The following MUC4 variants were observed in gnomAD, a reference collection of about 807,000 sequenced individuals.
MUC4 encodes mucin-4.
In MUC4, 202 loss-of-function variants were observed where a neutral mutation model predicts 257.9. The ratio of observed to expected loss-of-function variants is 0.78; its 90% CI spans 0.70 to 0.88. The LOEUF (loss-of-function observed/expected upper bound fraction) is 0.88, where lower values mean the gene tolerates loss of function less well. Ranked by LOEUF, MUC4 falls within the 40% of genes least tolerant of loss-of-function variation. MUC4 has a pLI of 0.00. For missense variants in MUC4, 5,976 were observed against 6,513.7 expected (o/e 0.92, Z 2.84); for synonymous variants, 2,351 against 2,757.1 (o/e 0.85, Z 4.62).
intron 17 of MUC4, among the ~76,000 whole-genome samples, chr3:195,758,832 A>G (rs1718202637): frequency 1.3e-5 from 2 of 151,530 alleles, no homozygotes; most frequent in Non-Finnish European, 2.9e-5. Flanking sequence ...CGGCCTCCCA[A>G]AGCGCTGGGA....
intron 1 of MUC4, among the ~76,000 whole-genome samples, chr3:195,797,363 G>A (rs73205742): frequency 0.12 from 18,191 of 152,142 alleles, 1,319 homozygotes; most frequent in African/African-American, 0.19. Flanking sequence ...CTTTCTTAAT[G>A]TAAATCACCA....
intron 19 of MUC4, 96 bp from the exon 20 acceptor site, chr3:195,753,326 C>A: frequency 7.7e-7 from 1 of 1,303,692 alleles, no homozygotes; most frequent in East Asian, 2.4e-5. Flanking sequence ...TTGCTTTCCC[C>A]CAGTGTTCCA....
rs763671915 is a variant in MUC4, at chr3:195,782,809, C to A, written c.8771G>T (p.Gly2924Val). 5.7e-5 allele frequency: 87 copies of A among 1,519,724 alleles called. No homozygotes were observed. In the East Asian group the frequency reaches 7.3e-4, roughly 13 times the overall value. 94.1% of individuals were successfully genotyped at this position (1,519,724 alleles called of 1,614,324 possible). A position where few individuals can be genotyped will look rare whatever the true frequency, so the allele number is the denominator to read the frequency against. ...PVTDTSSAST[G>V]QATPLPVTSL... ...GGTGACAGGAAGAGGGGTGGCCTGACCTGTGGATGCTGAGGAAGTGTCGGT... is the reference window on the plus strand; with the variant it reads ...GGTGACAGGAAGAGGGGTGGCCTGAACTGTGGATGCTGAGGAAGTGTCGGT... The change falls in exon 2 of 25, where the codon GGT (glycine) becomes GTT (valine). Residue 2924 changes from glycine (G) to valine (V), a missense_variant. Coordinates refer to ENST00000463781, the MANE Select transcript of MUC4 (RefSeq NM_018406.7).
intron 5 of MUC4, chr3:195,770,962 G>C: frequency 2.3e-6 from 1 of 427,340 alleles, no homozygotes; most frequent in African/African-American, 2.0e-5. Context: ...GCCGGGTTGG[G>C]GTATTCCTGG....
In MUC4 at chr3:195,795,976, G is replaced by A. The variant is rs183370936; in HGVS notation, c.83-4479C>T. On this transcript the variant is annotated intron_variant, in intron 1 of 24. Coordinates refer to ENST00000463781, the MANE Select transcript of MUC4 (RefSeq NM_018406.7). Reference sequence around the variant, plus strand: ...TGCTCTGATGAATTTATACCAAAAAGTATGAAAACTTAGATAAATTGGATA... The same window carrying A: ...TGCTCTGATGAATTTATACCAAAAAATATGAAAACTTAGATAAATTGGATA... Among the ~76,000 whole-genome samples, 331 of 151,536 alleles carry A rather than the reference G, an allele frequency of 2.2e-3. 7 individuals are homozygous for A. The highest frequency in any genetic ancestry group is 7.8e-3 in the African/African-American group (322 of 41,300).
Position 195,789,426 on chromosome 3 carries a change from G to A in MUC4, c.2154C>T (p.Ser718=), listed in dbSNP as rs1211901464. 6.2e-7 allele frequency: 1 copy of A among 1,613,868 alleles called. No homozygotes were observed. Among genetic ancestry groups the A allele is most frequent in the Admixed American group, 1.7e-5 (1 of 59,996 alleles). The change falls in exon 2 of 25, where the codon AGC becomes AGT. Residue 718 remains serine (S), a synonymous_variant. Coordinates refer to ENST00000463781, the MANE Select transcript of MUC4 (RefSeq NM_018406.7). ...APTTALQAAP[S]SHDATLGPSG... is the part of the protein sequence containing the mutation. ...AGGGCCCCAGGGTGGCATCATGGCT[G>A]CTGGGTGCTGCCTGCAGTGCTGTGG... is the stretch of plus-strand genomic sequence containing the variant.
rs190628256 is a variant in MUC4, at chr3:195,763,370, C to T, written c.14253+63G>A. The T allele has an allele frequency of 2.5e-4, 342 of 1,365,900 alleles. 2 individuals are homozygous for T. The East Asian group carries it at 6.6e-3, about 26-fold the overall frequency. 84.6% of individuals were successfully genotyped at this position (1,365,900 alleles called of 1,614,324 possible). On this transcript the variant is annotated intron_variant, in intron 12 of 24. Transcript: ENST00000463781. ...TCGCTCTCTTCCTTCTCCTCGGCCT[C>T]AGTATGTGGCTGAAGGTCCCTGTGG...
At position 195,751,042 on chromosome 3, in the gene MUC4, G is replaced by T. The variant is rs372427577; in HGVS notation, c.15718C>A (p.Pro5240Thr). The T allele has an allele frequency of 3.1e-6, 5 of 1,613,842 alleles. No individual in the cohort carries two copies. Among genetic ancestry groups the T allele is most frequent in the South Asian group, 2.2e-5 (2 of 91,064 alleles). The change falls in exon 23 of 25, where the codon CCT becomes ACT. Residue 5240 changes from proline (P) to threonine (T), a missense_variant. Around this residue, in one of 44 missense-constraint regions of MUC4, gnomAD observed 310 missense variants for 242.1 expected, o/e 1.28. Coordinates refer to ENST00000463781, the MANE Select transcript of MUC4 (RefSeq NM_018406.7). ...AGGAAGTCAATGACCGGGCCCCGAG[G>T]GCGGTACTGGAACTCCGAGATGACC... is the stretch of plus-strand genomic sequence containing the variant. Reference protein sequence around the residue: ...WMVISEFQYRPRGPVIDFLNN... With the variant: ...WMVISEFQYRTRGPVIDFLNN...
In MUC4 at chr3:195,781,296, G is replaced by C; in HGVS notation, c.10284C>G (p.Thr3428=). ...STGHATPLPV[T]STSSASTGHA... ...GACCGGTGGATGCTGAGGAAGTGCT[G>C]GTGACAGGAAGAGGGGTGGCGTGAC... Residue 3428 remains threonine, a synonymous_variant, in exon 2 of 25, where the codon ACC becomes ACG. Transcript: ENST00000463781. 1 of 1,428,510 alleles carries C rather than the reference G, an allele frequency of 7.0e-7. No individual in the cohort carries two copies. Among genetic ancestry groups the C allele is most frequent in the Non-Finnish European group, 9.4e-7 (1 of 1,061,762 alleles). 88.5% of individuals were successfully genotyped at this position (1,428,510 alleles called of 1,614,324 possible). A position where few individuals can be genotyped will look rare whatever the true frequency, so the allele number is the denominator to read the frequency against.
chr3:195,748,050 C>T (rs565536362), intron 24 of MUC4, among the ~76,000 whole-genome samples: 453 of 150,408 alleles, frequency 3.0e-3, no homozygotes, highest in African/African-American at 0.011. Context: ...CCTCCTTCGG[C>T]GGGATCTGGA....
chr3:195,791,092 G>A lies in MUC4; in HGVS notation c.488C>T (p.Thr163Ile). Residue 163 changes from threonine (T) to isoleucine (I), a missense_variant, in exon 2 of 25, where the codon ACC (threonine) becomes ATC (isoleucine). This residue lies in a region of MUC4 where 1,583 missense variants were observed against 1,257.4 expected (regional missense o/e 1.26). Coordinates refer to ENST00000463781, the MANE Select transcript of MUC4 (RefSeq NM_018406.7). ...ETSTAGTESS[T>I]PVTSAVSITA... ...TATTGAGACTGCTGAGGTCACTGGG[G>A]TAGAACTTTCAGTTCCTGCTGTTGA... is the stretch of plus-strand genomic sequence containing the variant. 1 of 1,613,498 alleles carries A rather than the reference G, an allele frequency of 6.2e-7. No homozygotes were observed. The highest frequency in any genetic ancestry group is 1.3e-5 in the African/African-American group (1 of 74,836).
In MUC4 at chr3:195,790,226, G is replaced by A. The variant is rs201058947; in HGVS notation, c.1354C>T (p.His452Tyr). The change falls in exon 2 of 25, where the codon CAC becomes TAC. Residue 452 changes from histidine (H) to tyrosine (Y), a missense_variant. Physicochemically the swap from His to Tyr is moderately conservative, Grantham distance 83. Transcript: ENST00000463781. ...SLPPKISTAF[H>Y]TQQSEGAETT... ...TCTGCACCTTCACTCTGCTGGGTGTGGAAAGCTGTGGATATTTTTGGAGGT... is the reference window on the plus strand; with the variant it reads ...TCTGCACCTTCACTCTGCTGGGTGTAGAAAGCTGTGGATATTTTTGGAGGT... 617 of 1,614,064 alleles carry A rather than the reference G, an allele frequency of 3.8e-4. 1 individual carries two copies. The highest frequency in any genetic ancestry group is 1.2e-3 in the Admixed American group (73 of 60,026).
Position 195,788,829 on chromosome 3 carries a change from T to C in MUC4, c.2751A>G (p.Arg917=). The C allele has an allele frequency of 6.2e-7, 1 of 1,613,876 alleles. No individual in the cohort carries two copies. The highest frequency in any genetic ancestry group is 8.5e-7 in the Non-Finnish European group (1 of 1,179,836). ...ACGCCAGGCTGATAGTGTCAGACCC[T>C]CTGCTGGTTCTTGTCCTCTGAGTCT... ...MAQTQRTRTS[R]GSDTISLASQ... is the part of the protein sequence containing the mutation. Residue 917 remains arginine, a synonymous_variant, in exon 2 of 25, where the codon AGA becomes AGG. Coordinates refer to ENST00000463781, the MANE Select transcript of MUC4 (RefSeq NM_018406.7).
intron 1 of MUC4, among the ~76,000 whole-genome samples, chr3:195,804,936 C>G (rs1455776907): frequency 4.6e-5 from 7 of 152,242 alleles, no homozygotes; most frequent in Non-Finnish European, 1.0e-4. Flanking sequence ...ATCTCCAGCG[C>G]CTGAAACGAG....
chr3:195,761,268 G>C lies in MUC4; in HGVS notation c.14615-151C>G. 3.9e-6 allele frequency: 3 copies of C among 770,532 alleles called. No homozygotes were observed. In the East Asian group the frequency reaches 7.9e-5, roughly 20 times the overall value. 47.7% of individuals were successfully genotyped at this position (770,532 alleles called of 1,614,324 possible). On this transcript the variant is annotated intron_variant, in intron 15 of 24. Coordinates refer to ENST00000463781, the MANE Select transcript of MUC4 (RefSeq NM_018406.7). ...CCAGCTTCTGAGTCTAGAAACACCT[G>C]CTGCAGTGAGAGAGGACACTCCACG...
Position 195,790,003 on chromosome 3 carries a change from G to A in MUC4, c.1577C>T (p.Ala526Val), listed in dbSNP as rs982430552. 6.2e-7 allele frequency: 1 copy of A among 1,613,888 alleles called. No homozygotes were observed. The highest frequency in any genetic ancestry group is 1.3e-5 in the African/African-American group (1 of 74,930). ...LVTGNPSTGT[A>V]GTIPRVPSKV... ...AGAGGGGACCCTTGGAATAGTGCCA[G>A]CTGTCCCTGTAGATGGATTTCCTGT... Residue 526 changes from alanine (A) to valine (V), a missense_variant, in exon 2 of 25, where the codon GCT (alanine) becomes GTT (valine). By Grantham distance (64) the Ala-to-Val change is moderately conservative. Coordinates refer to ENST00000463781, the MANE Select transcript of MUC4 (RefSeq NM_018406.7).
chr3:195,770,883 C>G, intron 5 of MUC4: 1 of 457,832 alleles, frequency 2.2e-6, no homozygotes, highest in Non-Finnish European at 4.4e-6. Context: ...AGACCCCCTA[C>G]AGCCTGATTT....
chr3:195,764,254 GGGCGGTGTTGGTGGAGAGCTTGGCAGGGC>G, intron 10 of MUC4, 90 bp from the exon 11 acceptor site: 2 of 1,074,912 alleles, frequency 1.9e-6, no homozygotes, highest in Non-Finnish European at 2.3e-6. Context: ...TGGCAGGGCA[GGGCGGTGTTGGTGGAGAGCTTGGCAGGGC>G]AGGGCGGTGT....
chr3:195,760,537 T>G (rs1421364426), intron 16 of MUC4, among the ~76,000 whole-genome samples: 1 of 96,148 alleles, frequency 1.0e-5, no homozygotes, highest in Non-Finnish European at 2.5e-5. Flanking sequence ...TGGAGGGGGC[T>G]GGGAAGGGGT....
Sources: allele counts gnomAD v4.1 joint callset (sites outside exome capture counted in the v4.1 genomes callset), GRCh38; gene constraint gnomAD v4.1.1; regional missense constraint gnomAD v4.1.1; transcripts MANE v1.5; gene names NCBI Gene and HGNC (gene_info 2026-07-23, HGNC 2026-07-21).